LPP: variants seen among roughly 807,000 people sequenced by gnomAD.
LPP encodes the protein lipoma-preferred partner.
A neutral mutation model predicts 60.4 loss-of-function variants in LPP; 38 were observed. The ratio of observed to expected loss-of-function variants is 0.63; its 90% CI spans 0.49 to 0.83. The LOEUF (loss-of-function observed/expected upper bound fraction) is 0.83, where lower values mean the gene tolerates loss of function less well. LPP is among the 40% of genes least tolerant of loss of function. The probability of loss-of-function intolerance (pLI) is 0.00; values close to 1 mark genes in which losing one functional copy is unlikely to be tolerated. For synonymous variants in LPP, 328 were observed against 290.8 expected, an observed-to-expected ratio of 1.13 and a Z score of -1.30; for missense variants, 902 against 783.6, an observed-to-expected ratio of 1.15 and a Z score of -1.80.
chr3:188,592,546 G>GTTTTGTTTTTTTTTTT (rs1560607252), intron 6 of LPP, among the ~76,000 whole-genome samples: 13 of 98,442 alleles, frequency 1.3e-4, no homozygotes, highest in African/African-American at 4.5e-4. Context: ...ACTGTTTTTA[G>GTTTTGTTTTTTTTTTT]TTTTGTTTTT....
chr3:188,790,926 A>T (rs1743498665), intron 9 of LPP, among the ~76,000 whole-genome samples: 1 of 70,994 alleles, frequency 1.4e-5, no homozygotes, highest in African/African-American at 9.2e-5. Context: ...CCAAGTAGAA[A>T]AGTCTTCAAA....
intron 4 of LPP, among the ~76,000 whole-genome samples, chr3:188,443,357 A>G (rs969445085): frequency 6.6e-5 from 10 of 152,140 alleles, no homozygotes; most frequent in African/African-American, 2.4e-4. Flanking sequence ...GTGAAAAGGT[A>G]TTGGCTTGGT....
chr3:188,389,074 T>A (rs1779046494), intron 3 of LPP, among the ~76,000 whole-genome samples: 1 of 152,178 alleles, frequency 6.6e-6, no homozygotes, highest in Non-Finnish European at 1.5e-5. Flanking sequence ...ATTTCATGGC[T>A]ATTTTAATTT....
intron 9 of LPP, among the ~76,000 whole-genome samples, chr3:188,851,492 G>C (rs60031712): frequency 0.22 from 33,414 of 152,136 alleles, 5,326 homozygotes; most frequent in East Asian, 0.8. Context: ...GAGGAGGAAA[G>C]TCTATTTTGC....
At chr3:188,241,012 G>C (rs181727622) in intron 2 of LPP, among the ~76,000 whole-genome samples, 3 of 152,248 alleles carry the variant, frequency 2.0e-5, no homozygotes, top group East Asian at 1.9e-4. Context: ...TGTATGCATA[G>C]TCTAAAGTGA....
chr3:188,856,829 G>A (rs1030252586), intron 9 of LPP, among the ~76,000 whole-genome samples: 1 of 152,162 alleles, frequency 6.6e-6, no homozygotes, highest in Non-Finnish European at 1.5e-5. Context: ...CTTTGGATAG[G>A]ATTATCTGCT....
intron 8 of LPP, among the ~76,000 whole-genome samples, chr3:188,724,746 A>T (rs1018012303): frequency 6.6e-6 from 1 of 152,176 alleles, no homozygotes; most frequent in Non-Finnish European, 1.5e-5. Context: ...ATTTGCCTCA[A>T]TCCAGTACTG....
chr3:188,583,559 GATC>G (rs1368962407), intron 6 of LPP, among the ~76,000 whole-genome samples: 2 of 152,078 alleles, frequency 1.3e-5, no homozygotes, highest in African/African-American at 4.8e-5. Context: ...CCCTGCAAAT[GATC>G]ATTATCTCAC....
intron 7 of LPP, among the ~76,000 whole-genome samples, chr3:188,649,369 T>G (rs756688158): frequency 8.5e-5 from 13 of 152,206 alleles, no homozygotes; most frequent in Non-Finnish European, 1.6e-4. Context: ...CAGAGTGGCC[T>G]CCAGTGTTTG....
chr3:188,248,794 C>T lies in LPP; in HGVS notation c.-67+23267C>T, dbSNP rs377421384. On this transcript the variant is annotated intron_variant, in intron 2 of 11. Coordinates refer to ENST00000617246, the MANE Select transcript of LPP (RefSeq NM_001375462.1). ...GAAAGCTCCCTGCCCTCCCTTGCAC[C>T]AGTTCGTTTGGTAATTTTTAATCCC... is the stretch of plus-strand genomic sequence containing the variant. 6.6e-5 allele frequency among the ~76,000 whole-genome samples: 10 copies of T among 151,994 alleles called. No homozygotes were observed. In the East Asian group the frequency reaches 1.4e-3, roughly 21 times the overall value.
At chr3:188,852,410 T>C (rs1400890155) in intron 9 of LPP, among the ~76,000 whole-genome samples, 1 of 152,218 alleles carries the variant, frequency 6.6e-6, no homozygotes, top group African/African-American at 2.4e-5. Flanking sequence ...ATAGTTTGAA[T>C]GTGTCCTTTA....
At chr3:188,787,940 T>C (rs148711461) in intron 9 of LPP, among the ~76,000 whole-genome samples, 1 of 152,360 alleles carries the variant, frequency 6.6e-6, no homozygotes, top group Non-Finnish European at 1.5e-5. Flanking sequence ...GATTGGCCCA[T>C]AGGCCCACAA....
chr3:188,823,556 T>C (rs980225321), intron 9 of LPP, among the ~76,000 whole-genome samples: 1 of 152,206 alleles, frequency 6.6e-6, no homozygotes, highest in Non-Finnish European at 1.5e-5. Flanking sequence ...ATGAAAATGT[T>C]TCGTTTTACT....
intron 1 of LPP, among the ~76,000 whole-genome samples, chr3:188,171,729 T>C (rs1426123100): frequency 6.6e-6 from 1 of 152,198 alleles, no homozygotes; most frequent in Non-Finnish European, 1.5e-5. Flanking sequence ...ATATTATCAA[T>C]TGGAAAGGTG....
At chr3:188,704,465 T>C (rs1458172590) in intron 7 of LPP, among the ~76,000 whole-genome samples, 1 of 152,178 alleles carries the variant, frequency 6.6e-6, no homozygotes, top group Non-Finnish European at 1.5e-5. Context: ...GTGAAGGTCA[T>C]AGTCAAATCT....
intron 2 of LPP, among the ~76,000 whole-genome samples, chr3:188,277,357 GC>G (rs1325271400): frequency 2.0e-5 from 3 of 152,150 alleles, no homozygotes; most frequent in Non-Finnish European, 4.4e-5. Context: ...GCTGCCAGGT[GC>G]CCCAGAGTAT....
chr3:188,828,001 A>G (rs1756039351), intron 9 of LPP, among the ~76,000 whole-genome samples: 1 of 152,154 alleles, frequency 6.6e-6, no homozygotes, highest in Non-Finnish European at 1.5e-5. Context: ...CCCTAATGAG[A>G]CAGGCTCACA....
At chr3:188,184,899 C>A (rs189980665) in intron 1 of LPP, among the ~76,000 whole-genome samples, 17 of 151,850 alleles carry the variant, frequency 1.1e-4, no homozygotes, top group Admixed American at 9.2e-4. Flanking sequence ...AGTGTCAGCA[C>A]CTAGGTTTCG....
chr3:188,886,657 T>C lies in LPP; in HGVS notation c.*12178T>C. ...AAGAAAAAACTAATAAAAATTTTCG[T>C]ATTTCACTTTACATAATATGTTCTC... On this transcript the variant is annotated 3_prime_UTR_variant, in exon 12 of 12. Coordinates refer to ENST00000617246, the MANE Select transcript of LPP (RefSeq NM_001375462.1). 1 of 216,242 alleles carries C rather than the reference T, an allele frequency of 4.6e-6. No homozygotes were observed. The highest frequency in any genetic ancestry group is 9.2e-6 in the Non-Finnish European group (1 of 108,184). 13.4% of individuals were successfully genotyped at this position (216,242 alleles called of 1,614,324 possible).
Sources: allele counts gnomAD v4.1 joint callset (sites outside exome capture counted in the v4.1 genomes callset), GRCh38; gene constraint gnomAD v4.1.1; transcripts MANE v1.5; gene names NCBI Gene and HGNC (gene_info 2026-07-23, HGNC 2026-07-21).